KIF19: variants seen among roughly 807,000 people sequenced by gnomAD.
KIF19 encodes kinesin family member 19, also known as kinesin-like protein KIF19.
Under a neutral mutation model 106.6 loss-of-function variants are expected in KIF19, and 98 were observed. The ratio of observed to expected loss-of-function variants is 0.92; its 90% CI spans 0.78 to 1.09. The LOEUF (loss-of-function observed/expected upper bound fraction) is 1.09. KIF19 is among the 50% of genes least tolerant of loss of function. The pLI is 0.00. For missense variants in KIF19, 1,373 were observed against 1,414.3 expected, an observed-to-expected ratio of 0.97 and a Z score of 0.47; for synonymous variants, 516 against 584.2, an observed-to-expected ratio of 0.88 and a Z score of 1.68.
intron 2 of KIF19, among the ~76,000 whole-genome samples, chr17:74,335,425 C>A (rs1236171778): frequency 6.6e-6 from 1 of 152,226 alleles, no homozygotes; most frequent in Non-Finnish European, 1.5e-5. Context: ...TATTTCTCAC[C>A]TAGATGCTTG....
At chr17:74,351,746 G>A (rs1313420890) in intron 12 of KIF19, 121 bp from the exon 13 acceptor site, 3 of 1,141,448 alleles carry the variant, frequency 2.6e-6, no homozygotes, top group Non-Finnish European at 1.2e-6. Context: ...TTTAGGGTTG[G>A]CCTCAGGCTG....
intron 9 of KIF19, chr17:74,348,961 G>A: frequency 1.8e-6 from 1 of 568,422 alleles, no homozygotes; most frequent in Non-Finnish European, 3.1e-6. Context: ...TCAACAACGG[G>A]TGGAGGAATG....
chr17:74,353,363 T>C, intron 16 of KIF19, 62 bp downstream of exon 16: 1 of 1,474,566 alleles, frequency 6.8e-7, no homozygotes, highest in East Asian at 2.5e-5. Flanking sequence ...GACATGGGGG[T>C]GGACAGCAGC....
intron 6 of KIF19, 144 bp downstream of exon 6, chr17:74,344,492 G>T (rs1421612374): frequency 3.1e-6 from 4 of 1,305,376 alleles, no homozygotes; most frequent in Non-Finnish European, 4.2e-6. Flanking sequence ...GCAGCAAGGA[G>T]GGGACTCACA....
chr17:74,335,319 G>A (rs977038265), intron 2 of KIF19, among the ~76,000 whole-genome samples: 7 of 152,240 alleles, frequency 4.6e-5, no homozygotes, highest in African/African-American at 1.2e-4. Context: ...AGCCTGGTCC[G>A]TGCTCAGGCA....
chr17:74,350,288 G>A, intron 10 of KIF19, 113 bp from the exon 11 acceptor site: 2 of 976,736 alleles, frequency 2.0e-6, no homozygotes, highest in South Asian at 1.7e-5. Context: ...AGTTGGACAG[G>A]AAGTGGGAGC....
intron 9 of KIF19, 30 bp downstream of exon 9, chr17:74,347,929 A>G (rs1171878659): frequency 6.4e-7 from 1 of 1,561,578 alleles, no homozygotes; most frequent in Non-Finnish European, 8.7e-7. Flanking sequence ...CCACCAGGAC[A>G]CACCTTCCTG....
chr17:74,352,435 G>A, intron 14 of KIF19, 95 bp downstream of exon 14: 2 of 1,439,840 alleles, frequency 1.4e-6, no homozygotes, highest in Middle Eastern at 3.6e-4. Context: ...GAGGGGACAG[G>A]ACCAGGCTGG....
Position 74,349,354 on chromosome 17 carries a change from G to A in KIF19, c.1213+5G>A, listed in dbSNP as rs562944554. 59 of 1,592,548 alleles carry A rather than the reference G, an allele frequency of 3.7e-5. No individual in the cohort carries two copies. Among genetic ancestry groups the A allele is most frequent in the African/African-American group, 5.4e-5 (4 of 74,664 alleles). ...GTGACATCCGCCACATCCAAGGTGC[G>A]CCTGTGGGTCTGTGTGAGTGGCAGC... is the stretch of plus-strand genomic sequence containing the variant. On this transcript the variant is annotated splice_donor_5th_base_variant and intron_variant, in intron 10 of 19. Coordinates refer to ENST00000389916, the MANE Select transcript of KIF19 (RefSeq NM_153209.4).
chr17:74,350,320 G>A (rs1045899292), intron 10 of KIF19, 81 bp from the exon 11 acceptor site: 11 of 1,354,902 alleles, frequency 8.1e-6, no homozygotes, highest in South Asian at 1.4e-5. Context: ...AAGAAAAGGA[G>A]GGGAGGGGCC....
intron 2 of KIF19, among the ~76,000 whole-genome samples, chr17:74,333,052 C>T (rs1341778847): frequency 6.6e-6 from 1 of 152,246 alleles, no homozygotes; most frequent in Non-Finnish European, 1.5e-5. Context: ...TGACAGATGT[C>T]AGCTGCCCGA....
At chr17:74,333,848 T>C (rs1045048667) in intron 2 of KIF19, among the ~76,000 whole-genome samples, 2 of 112,206 alleles carry the variant, frequency 1.8e-5, no homozygotes, top group African/African-American at 6.7e-5. Flanking sequence ...ACTCCTTTTT[T>C]TTTTCTTTTT....
chr17:74,352,256 C>G lies in KIF19; in HGVS notation c.1896C>G (p.Leu632=), dbSNP rs2054735050. Residue 632 remains leucine, a synonymous_variant, in exon 14 of 20, where the codon CTC becomes CTG. Transcript: ENST00000389916. ...NLAVPQRLEE[L]YEVYLRELEE... Reference sequence around the variant, plus strand: ...CCGTCCCGCAGCGCCTGGAAGAGCTCTACGAAGTGTACCTGCGGGAGCTGG... The same window carrying G: ...CCGTCCCGCAGCGCCTGGAAGAGCTGTACGAAGTGTACCTGCGGGAGCTGG... 6.2e-7 allele frequency: 1 copy of G among 1,613,196 alleles called. No homozygotes were observed. The highest frequency in any genetic ancestry group is 8.5e-7 in the Non-Finnish European group (1 of 1,179,806).
chr17:74,337,298 G>A (rs2144224525), intron 2 of KIF19, among the ~76,000 whole-genome samples: 1 of 135,890 alleles, frequency 7.4e-6, no homozygotes, highest in Non-Finnish European at 1.6e-5. Flanking sequence ...CTCAGAGGAT[G>A]TACAGAAGCC....
rs1262254449 is a variant in KIF19, at chr17:74,332,191, TG to T, written c.120+3687del. ...AAATGAACACCTCAGTGTGTGTGTG[TG>T]TGTGTGTGTGTGTGTGTTTGTGTGT... On this transcript the variant is annotated intron_variant, in intron 2 of 19. Transcript: ENST00000389916. Among the ~76,000 whole-genome samples the T allele has an allele frequency of 8.4e-3, 497 of 58,936 alleles. 1 individual carries two copies. Among genetic ancestry groups the T allele is most frequent in the African/African-American group, 0.03 (477 of 15,794 alleles). The allele number at this position is 58,936 out of a possible 152,430, so 38.7% of individuals were successfully genotyped here.
In KIF19 at chr17:74,354,503, C is replaced by A. The variant is rs1349508399; in HGVS notation, c.2650C>A (p.Leu884Met). The A allele has an allele frequency of 1.9e-6, 3 of 1,604,870 alleles. No individual in the cohort carries two copies. The highest frequency in any genetic ancestry group is 1.7e-6 in the Non-Finnish European group (2 of 1,176,386). Reference sequence around the variant, plus strand: ...CCTGGGCAAGAAAAGGGAGGAGTCGCTGGAGGCAAAGAGAAGGAAGCGGAG... The same window carrying A: ...CCTGGGCAAGAAAAGGGAGGAGTCGATGGAGGCAAAGAGAAGGAAGCGGAG... ...KSLGKKREESLEAKRRKRRSR... is the reference protein window; with the variant it reads ...KSLGKKREESMEAKRRKRRSR... Residue 884 changes from leucine (L) to methionine (M), a missense_variant, in exon 18 of 20, where the codon CTG (leucine) becomes ATG (methionine). This residue lies in a region of KIF19 where 1,020 missense variants were observed against 1,008.2 expected (regional missense o/e 1.01). Coordinates refer to ENST00000389916, the MANE Select transcript of KIF19 (RefSeq NM_153209.4).
At position 74,353,545 on chromosome 17, in the gene KIF19, A is replaced by C; in HGVS notation, c.2272A>C (p.Ser758Arg). The C allele has an allele frequency of 6.2e-7, 1 of 1,613,892 alleles. No individual in the cohort carries two copies. The highest frequency in any genetic ancestry group is 8.5e-7 in the Non-Finnish European group (1 of 1,179,886). ...CTGGATCAACTCTTCCCCTGACAGC[A>C]GTGAGAACCTGTCGGAGATCCCCTT... ...GSWINSSPDS[S>R]ENLSEIPLSH... The change falls in exon 17 of 20, where the codon AGT becomes CGT. Residue 758 changes from serine to arginine, a missense_variant. Coordinates refer to ENST00000389916, the MANE Select transcript of KIF19 (RefSeq NM_153209.4).
intron 2 of KIF19, among the ~76,000 whole-genome samples, chr17:74,335,362 CAAAGCTGAT>C (rs2054193667): frequency 6.6e-6 from 1 of 152,352 alleles, no homozygotes; most frequent in South Asian, 2.1e-4. Flanking sequence ...GTTAAAAGTG[CAAAGCTGAT>C]AAATGCAGCT....
At chr17:74,327,540 G>T (rs2053947118) in intron 1 of KIF19, among the ~76,000 whole-genome samples, 1 of 152,146 alleles carries the variant, frequency 6.6e-6, no homozygotes, top group South Asian at 2.1e-4. Flanking sequence ...GGAGTGAAGT[G>T]GTGCGATCTC....
Sources: gnomAD v4.1 joint callset for allele counts (sites outside exome capture counted in the v4.1 genomes callset) on GRCh38, gnomAD v4.1.1 for gene constraint, gnomAD v4.1.1 regional missense constraint, MANE v1.5 for transcripts, NCBI Gene and HGNC (gene_info 2026-07-23, HGNC 2026-07-21) for gene names.